Variants in LHPP observed in about 807,000 individuals in gnomAD.
LHPP encodes the protein phospholysine phosphohistidine inorganic pyrophosphate phosphatase, also known as hLHPP.
A neutral mutation model predicts 30.3 loss-of-function variants in LHPP; 24 were observed. That is an observed-to-expected ratio of 0.79 (90% CI 0.57 to 1.11). LHPP has a LOEUF of 1.11. Among genes scored for constraint, LHPP ranks in the 50% most tolerant of loss-of-function variants. LHPP has a pLI of 0.00. For synonymous variants in LHPP, 150 were observed against 157.1 expected (o/e 0.95, Z 0.34); for missense variants, 356 against 367.2 (o/e 0.97, Z 0.25).
At chr10:124,492,717 T>C (rs1953570516) in intron 3 of LHPP, among the ~76,000 whole-genome samples, 1 of 152,240 alleles carries the variant, frequency 6.6e-6, no homozygotes, top group South Asian at 2.1e-4. Context: ...AGTCCCTTTT[T>C]AAACTTACAC....
rs1173690428 is a variant in LHPP, at chr10:124,484,161, G to A, written c.148G>A (p.Val50Met). 6.2e-7 allele frequency: 1 copy of A among 1,613,912 alleles called. No individual in the cohort carries two copies. The highest frequency in any genetic ancestry group is 1.1e-5 in the South Asian group (1 of 91,080). Reference protein sequence around the residue: ...VARLKRSRLKVRFCTNESQKS... With the variant: ...VARLKRSRLKMRFCTNESQKS... ...CAGACTGAAGCGTTCCCGGCTGAAG[G>A]TGAGGTTCTGCACCAACGAGTCGCA... Residue 50 changes from valine to methionine, a missense_variant, in exon 2 of 7, where the codon GTG becomes ATG. By Grantham distance (21) the Val-to-Met change is conservative (BLOSUM62 1). Coordinates refer to ENST00000368842, the MANE Select transcript of LHPP (RefSeq NM_022126.4).
chr10:124,521,103 C>T lies in LHPP; in HGVS notation c.716+3832C>T, dbSNP rs146261544. Among the ~76,000 whole-genome samples, 270 of 152,296 alleles carry T rather than the reference C, an allele frequency of 1.8e-3. 1 individual carries two copies. Among genetic ancestry groups the T allele is most frequent in the Middle Eastern group, 0.01 (3 of 294 alleles). On this transcript the variant is annotated intron_variant, in intron 6 of 6. Coordinates refer to ENST00000368842, the MANE Select transcript of LHPP (RefSeq NM_022126.4). ...ATGGTACTCTTGGTACACAGATACA[C>T]TGAAATGCTGGAGGGGCGTGGGGTC...
chr10:124,528,075 TG>T (rs370159366), intron 6 of LHPP, among the ~76,000 whole-genome samples: 1 of 132,700 alleles, frequency 7.5e-6, no homozygotes, highest in South Asian at 2.6e-4. Context: ...TTGCCTTGCT[TG>T]GCTCTGGGTT....
In LHPP at chr10:124,493,296, A is replaced by G. The variant is rs1953589771; in HGVS notation, c.468-3665A>G. Among the ~76,000 whole-genome samples, 3 of 152,174 alleles carry G rather than the reference A, an allele frequency of 2.0e-5. No individual in the cohort carries two copies. In the South Asian group the frequency reaches 6.2e-4, roughly 32 times the overall value. On this transcript the variant is annotated intron_variant, in intron 3 of 6. Transcript: ENST00000368842. ...TTTAGGGACTAGGTCCCAGCTTCTC[A>G]GGACAGCCTGAGGACCCCCCGAGAG...
At chr10:124,529,204 T>G (rs1391436097) in intron 6 of LHPP, among the ~76,000 whole-genome samples, 1 of 151,692 alleles carries the variant, frequency 6.6e-6, no homozygotes, top group Non-Finnish European at 1.5e-5. Flanking sequence ...CCAGCTAATT[T>G]TTTTGTATTT....
intron 1 of LHPP, among the ~76,000 whole-genome samples, chr10:124,483,259 A>G (rs1953199707): frequency 6.6e-6 from 1 of 152,202 alleles, no homozygotes; most frequent in South Asian, 2.1e-4. Context: ...TGATGAGAAG[A>G]CAAACCTGTC....
Position 124,523,841 on chromosome 10 carries a change from G to A in LHPP, c.716+6570G>A, listed in dbSNP as rs1018282659. Among the ~76,000 whole-genome samples, 3 of 152,166 alleles carry A rather than the reference G, an allele frequency of 2.0e-5. No homozygotes were observed. The highest frequency in any genetic ancestry group is 7.2e-5 in the African/African-American group (3 of 41,428). ...TCCTGGCAGTGCAGGGAAGGGCACC[G>A]GGAACAGGCCTGTGGAAAAATCCAC... On this transcript the variant is annotated intron_variant, in intron 6 of 6. Coordinates refer to ENST00000368842, the MANE Select transcript of LHPP (RefSeq NM_022126.4). This position sits in a 1 kb window ranked among gnomAD's most constrained non-coding sequence, Gnocchi z 4.2.
At chr10:124,589,646 T>C (rs1948851640) in intron 6 of LHPP, among the ~76,000 whole-genome samples, 1 of 152,196 alleles carries the variant, frequency 6.6e-6, no homozygotes. Flanking sequence ...TCATCACCCA[T>C]CTGAGATCGG....
At chr10:124,606,517 C>G (rs1949094948) in intron 6 of LHPP, among the ~76,000 whole-genome samples, 1 of 152,184 alleles carries the variant, frequency 6.6e-6, no homozygotes, top group Non-Finnish European at 1.5e-5. Context: ...CCAGGGTGAG[C>G]TGCAGGGTCC....
intron 6 of LHPP, among the ~76,000 whole-genome samples, chr10:124,574,748 G>A (rs919041832): frequency 1.3e-5 from 2 of 152,258 alleles, no homozygotes; most frequent in Admixed American, 1.3e-4. Context: ...CTGGGGGAGG[G>A]CATGGTCGGA....
intron 6 of LHPP, among the ~76,000 whole-genome samples, chr10:124,548,454 C>T (rs899990411): frequency 6.6e-6 from 1 of 152,140 alleles, no homozygotes; most frequent in African/African-American, 2.4e-5. Flanking sequence ...TTTTTGTCTG[C>T]GGTGCATAAT....
At chr10:124,555,046 C>G (rs189627367) in intron 6 of LHPP, among the ~76,000 whole-genome samples, 2 of 152,312 alleles carry the variant, frequency 1.3e-5, no homozygotes, top group African/African-American at 4.8e-5. Context: ...CTCAGAGAGG[C>G]TGAATCACTG....
At chr10:124,534,385 A>G (rs1490573054) in intron 6 of LHPP, among the ~76,000 whole-genome samples, 3 of 152,242 alleles carry the variant, frequency 2.0e-5, no homozygotes, top group African/African-American at 7.2e-5. Flanking sequence ...CAGAGAGCCA[A>G]CGGCAGGAAG....
chr10:124,606,965 C>T, intron 6 of LHPP, among the ~76,000 whole-genome samples: 1 of 152,182 alleles, frequency 6.6e-6, no homozygotes, highest in Non-Finnish European at 1.5e-5. Context: ...GCCCTCTTTT[C>T]TCTGCTTCAT....
intron 6 of LHPP, among the ~76,000 whole-genome samples, chr10:124,518,638 G>A (rs1480039811): frequency 2.0e-5 from 3 of 152,332 alleles, no homozygotes; most frequent in South Asian, 4.1e-4. Context: ...GAACCGTACT[G>A]TGTTGTGTAC....
At chr10:124,466,948 C>A (rs1037740776) in intron 1 of LHPP, among the ~76,000 whole-genome samples, 1 of 40,042 alleles carries the variant, frequency 2.5e-5, no homozygotes, top group African/African-American at 6.4e-5. Flanking sequence ...CACAGCGAGA[C>A]CCCCATCTCT....
chr10:124,543,780 T>G lies in LHPP; in HGVS notation c.716+26509T>G, dbSNP rs78778970. Among the ~76,000 whole-genome samples the G allele has an allele frequency of 6.5e-3, 23 of 3,518 alleles. No individual in the cohort carries two copies. In the East Asian group the frequency reaches 0.5, roughly 76 times the overall value. The allele number at this position is 3,518 out of a possible 152,430, so 2.3% of individuals were successfully genotyped here. On this transcript the variant is annotated intron_variant, in intron 6 of 6. Transcript: ENST00000368842. ...TTTTTTTCTTTTAAAAATTAATATA[T>G]TTTTTTTTCTGATAATATAAGAAAT...
At chr10:124,470,675 C>CAACAACAAT (rs1440985537) in intron 1 of LHPP, among the ~76,000 whole-genome samples, 7 of 123,074 alleles carry the variant, frequency 5.7e-5, no homozygotes, top group African/African-American at 1.8e-4. Flanking sequence ...ACAACAACAA[C>CAACAACAAT]AACAACAATA....
intron 6 of LHPP, among the ~76,000 whole-genome samples, chr10:124,601,001 G>A (rs1949013648): frequency 6.6e-6 from 1 of 152,216 alleles, no homozygotes; most frequent in East Asian, 1.9e-4. Context: ...ACCGTGGAGT[G>A]CAGAGTGGGC....
Sources: allele counts gnomAD v4.1 joint callset (sites outside exome capture counted in the v4.1 genomes callset), GRCh38; gene constraint gnomAD v4.1.1; non-coding constraint Gnocchi (gnomAD v3.1); transcripts MANE v1.5; gene names NCBI Gene and HGNC (gene_info 2026-07-23, HGNC 2026-07-21).